CHD1L: variants seen among roughly 807,000 people sequenced by gnomAD.
CHD1L encodes the protein ATP-dependent chromatin remodeler CHD1L.
Under a neutral mutation model 115.9 loss-of-function variants are expected in CHD1L, and 118 were observed. The observed-to-expected ratio is 1.02, with a 90% CI of 0.88 to 1.19. CHD1L has a LOEUF of 1.19. Ranked by LOEUF, CHD1L falls within the 50% of genes most tolerant of loss-of-function variation. The probability of loss-of-function intolerance (pLI) is 0.00; values close to 1 mark genes in which losing one functional copy is unlikely to be tolerated. For missense variants in CHD1L, 1,179 were observed against 1,065.3 expected (o/e 1.11, Z -1.49); for synonymous variants, 411 against 387.1 (o/e 1.06, Z -0.72).
the CHD1L span, among the ~76,000 whole-genome samples, chr1:147,219,809 G>A: frequency 6.7e-6 from 1 of 149,986 alleles, no homozygotes; most frequent in Admixed American, 6.6e-5. Context: ...CAGGGTTGCA[G>A]GATACATGGT....
At chr1:147,281,868 T>C (rs1681020455) in intron 15 of CHD1L, among the ~76,000 whole-genome samples, 1 of 152,206 alleles carries the variant, frequency 6.6e-6, no homozygotes, top group Non-Finnish European at 1.5e-5. Context: ...CATGATTTCT[T>C]GAAGCACATG....
In CHD1L at chr1:147,293,697, A is replaced by G; in HGVS notation, c.2481A>G (p.Ile827Met). Residue 827 changes from isoleucine to methionine, a missense_variant, in exon 21 of 23, where the codon ATA becomes ATG. Transcript: ENST00000369258. Reference sequence around the variant, plus strand: ...CCCTAGAAGAGGGCCTGAAGAAGATATTTTTAGCAGCAAAAAAGAAGAAAG... The same window carrying G: ...CCCTAGAAGAGGGCCTGAAGAAGATGTTTTTAGCAGCAAAAAAGAAGAAAG... ...MAALEEGLKK[I>M]FLAAKKKKAS... The G allele has an allele frequency of 6.2e-7, 1 of 1,614,050 alleles. No homozygotes were observed. The highest frequency in any genetic ancestry group is 8.5e-7 in the Non-Finnish European group (1 of 1,179,934).
At chr1:147,211,847 G>A in the CHD1L span, among the ~76,000 whole-genome samples, 7 of 152,308 alleles carry the variant, frequency 4.6e-5, no homozygotes, top group Non-Finnish European at 1.0e-4. Flanking sequence ...CAAGCTGCTT[G>A]CATGTGCTAC....
intron 5 of CHD1L, among the ~76,000 whole-genome samples, chr1:147,258,378 G>A (rs587636511): frequency 2.6e-5 from 4 of 152,158 alleles, no homozygotes; most frequent in East Asian, 1.9e-4. Flanking sequence ...GCATTTTTTG[G>A]ACACCTAAAT....
intron 7 of CHD1L, among the ~76,000 whole-genome samples, chr1:147,265,180 G>A (rs75954208): frequency 0.03 from 4,594 of 152,118 alleles, 225 homozygotes; most frequent in African/African-American, 0.1. Context: ...TGTATGTGTT[G>A]GGTAAGTATG....
chr1:147,270,872 G>T, intron 10 of CHD1L, 60 bp from the exon 11 acceptor site: 1 of 1,429,646 alleles, frequency 7.0e-7, no homozygotes, highest in Non-Finnish European at 9.8e-7. Context: ...TTTTGCCTGA[G>T]GGAAATTGAC....
At chr1:147,208,973 A>G in the CHD1L span, 1 of 1,614,060 alleles carries the variant, frequency 6.2e-7, no homozygotes, top group Non-Finnish European at 8.5e-7. Flanking sequence ...AGTCGAGAAG[A>G]GAACAACACA....
chr1:147,272,396 G>A (rs587684224), intron 12 of CHD1L, 115 bp downstream of exon 12: 1 of 733,540 alleles, frequency 1.4e-6, no homozygotes, highest in Non-Finnish European at 2.3e-6. Context: ...GGTTACTATT[G>A]AATGTAAAAC....
At chr1:147,291,084 G>A (rs1177151576) in intron 19 of CHD1L, among the ~76,000 whole-genome samples, 1 of 152,166 alleles carries the variant, frequency 6.6e-6, no homozygotes, top group Non-Finnish European at 1.5e-5. Flanking sequence ...GGATGGGGTA[G>A]GAAAATATAT....
At chr1:147,214,945 T>G in the CHD1L span, 1 of 152,138 alleles carries the variant, frequency 6.6e-6, no homozygotes, top group Non-Finnish European at 1.5e-5. Flanking sequence ...ACTTTAGAAG[T>G]TCACTAGATG....
At chr1:147,208,444 C>CTTTTTTTTTTTTTTTTTTTTT in the CHD1L span, 1 of 145,584 alleles carries the variant, frequency 6.9e-6, no homozygotes, top group African/African-American at 2.5e-5. Flanking sequence ...CTTTTCTTTT[C>CTTTTTTTTTTTTTTTTTTTTT]TTTTTTTTTT....
chr1:147,286,874 G>T lies in CHD1L; in HGVS notation c.2221+374G>T, dbSNP rs587688815. Among the ~76,000 whole-genome samples, 3 of 152,236 alleles carry T rather than the reference G, an allele frequency of 2.0e-5. No individual in the cohort carries two copies. The East Asian group carries it at 5.8e-4, about 29-fold the overall frequency. ...GACCTTTGTACTTTTTACTTCATCT[G>T]CCTAAAACCCTTTCTTCCCAAATAA... On this transcript the variant is annotated intron_variant, in intron 18 of 22. Transcript: ENST00000369258.
At chr1:147,272,143 AT>A in intron 11 of CHD1L, 27 bp from the exon 12 acceptor site, 1 of 1,579,670 alleles carries the variant, frequency 6.3e-7, no homozygotes, top group Non-Finnish European at 8.6e-7. Context: ...AAGGGTTAAG[AT>A]TTCTGTTTTT....
intron 18 of CHD1L, 52 bp from the exon 19 acceptor site, chr1:147,287,583 G>A: frequency 1.5e-6 from 2 of 1,322,044 alleles, no homozygotes; most frequent in Non-Finnish European, 2.1e-6. Flanking sequence ...TTTCTAAATT[G>A]TGCACTGGAC....
chr1:147,285,559 A>T (rs1682767565), intron 17 of CHD1L, 72 bp downstream of exon 17: 1 of 1,424,128 alleles, frequency 7.0e-7, no homozygotes, highest in African/African-American at 1.4e-5. Context: ...CCACAGTTGA[A>T]TATCACTTTA....
intron 1 of CHD1L, among the ~76,000 whole-genome samples, chr1:147,251,083 T>C (rs1553936180): frequency 6.6e-6 from 1 of 152,174 alleles, no homozygotes; most frequent in Non-Finnish European, 1.5e-5. Context: ...CCATGTGGAA[T>C]TGTGAGTCAA....
At chr1:147,282,210 C>T (rs185738238) in intron 15 of CHD1L, among the ~76,000 whole-genome samples, 2 of 152,142 alleles carry the variant, frequency 1.3e-5, no homozygotes. Context: ...ATGGAGGGCA[C>T]CTTCTCTGAT....
the CHD1L span, among the ~76,000 whole-genome samples, chr1:147,232,165 G>C: frequency 6.6e-6 from 1 of 152,202 alleles, no homozygotes; most frequent in Admixed American, 6.5e-5. Context: ...TGGCTGACAA[G>C]CATTGGACTG....
At chr1:147,264,158 G>A (rs1260945080) in intron 6 of CHD1L, among the ~76,000 whole-genome samples, 1 of 152,154 alleles carries the variant, frequency 6.6e-6, no homozygotes, top group Admixed American at 6.5e-5. Context: ...ATACTTCAGA[G>A]TTCACAAAGT....
Sources: gnomAD v4.1 joint callset for allele counts (sites outside exome capture counted in the v4.1 genomes callset) on GRCh38, gnomAD v4.1.1 for gene constraint, MANE v1.5 for transcripts, NCBI Gene and HGNC (gene_info 2026-07-23, HGNC 2026-07-21) for gene names.